Variants in TMPRSS11D observed in about 807,000 individuals in gnomAD.
TMPRSS11D encodes the protein transmembrane protease serine 11D.
A neutral mutation model predicts 44.4 loss-of-function variants in TMPRSS11D; 32 were observed. That is an observed-to-expected ratio of 0.72 (90% CI 0.54 to 0.97). The LOEUF is 0.97. Ranked by LOEUF, TMPRSS11D falls within the 50% of genes least tolerant of loss-of-function variation. TMPRSS11D has a pLI of 0.00. For missense variants in TMPRSS11D, 446 were observed against 502.6 expected (o/e 0.89, Z 1.08); for synonymous variants, 179 against 177.9 (o/e 1.01, Z -0.05).
intron 1 of TMPRSS11D, among the ~76,000 whole-genome samples, chr4:67,879,768 A>G (rs1719278328): frequency 1.3e-5 from 2 of 152,166 alleles, no homozygotes; most frequent in South Asian, 2.1e-4. Context: ...GGATAGATTA[A>G]AGATAAAAAT....
chr4:67,844,371 C>T (rs1718308046), intron 3 of TMPRSS11D, among the ~76,000 whole-genome samples: 1 of 151,352 alleles, frequency 6.6e-6, no homozygotes, highest in Admixed American at 6.6e-5. Flanking sequence ...TTTTTTTTTT[C>T]CAGAGAACCT....
At chr4:67,862,356 A>G (rs1420256138) in intron 1 of TMPRSS11D, among the ~76,000 whole-genome samples, 1 of 152,114 alleles carries the variant, frequency 6.6e-6, no homozygotes, top group Non-Finnish European at 1.5e-5. Context: ...GAAACCAGGT[A>G]AGTTTGAATA....
intron 7 of TMPRSS11D, 67 bp downstream of exon 7, chr4:67,833,137 G>C (rs1349061559): frequency 7.8e-7 from 1 of 1,274,742 alleles, no homozygotes; most frequent in Non-Finnish European, 1.0e-6. Context: ...TCCTAGGGTA[G>C]AGGGTGCAGT....
Position 67,833,320 on chromosome 4 carries a change from C to T in TMPRSS11D, c.576G>A (p.Glu192=). Residue 192 remains glutamate, a synonymous_variant, in exon 7 of 10, where the codon GAG becomes GAA. Coordinates refer to ENST00000283916, the MANE Select transcript of TMPRSS11D (RefSeq NM_004262.3). ...LSEQRILGGT[E]AEEGSWPWQV... Reference sequence around the variant, plus strand: ...GCCACGGCCAGCTTCCCTCCTCAGCCTCAGTGCCTCCAAGGATTCTCTGCT... The same window carrying T: ...GCCACGGCCAGCTTCCCTCCTCAGCTTCAGTGCCTCCAAGGATTCTCTGCT... 2 of 1,593,330 alleles carry T rather than the reference C, an allele frequency of 1.3e-6. No individual in the cohort carries two copies. The highest frequency in any genetic ancestry group is 1.1e-5 in the South Asian group (1 of 88,080).
chr4:67,829,223 A>G (rs1022546211), intron 7 of TMPRSS11D, among the ~76,000 whole-genome samples: 1 of 152,044 alleles, frequency 6.6e-6, no homozygotes, highest in Admixed American at 6.6e-5. Context: ...CAGGACCCTC[A>G]GTTCTTTAGG....
chr4:67,855,754 T>C (rs927714408), intron 2 of TMPRSS11D, among the ~76,000 whole-genome samples: 1 of 152,096 alleles, frequency 6.6e-6, no homozygotes, highest in Non-Finnish European at 1.5e-5. Context: ...AGTTACATAT[T>C]CAAATTGTCC....
In TMPRSS11D at chr4:67,876,967, T is replaced by C. The variant is rs558997605; in HGVS notation, c.8+6959A>G. On this transcript the variant is annotated intron_variant, in intron 1 of 9. Transcript: ENST00000283916. ...TTGAAACACTCTTTTTCTTTTGATT[T>C]CCATAATTCCATACTCTTTTTCTTT... 5.3e-5 allele frequency among the ~76,000 whole-genome samples: 8 copies of C among 152,238 alleles called. No homozygotes were observed. In the South Asian group the frequency reaches 1.5e-3, roughly 28 times the overall value.
intron 1 of TMPRSS11D, among the ~76,000 whole-genome samples, chr4:67,862,895 C>T (rs1188527030): frequency 4.7e-5 from 7 of 150,172 alleles, no homozygotes; most frequent in Admixed American, 4.0e-4. Context: ...CATCACACAC[C>T]GGGGACTGTT....
chr4:67,873,982 T>G (rs1719118845), intron 1 of TMPRSS11D, among the ~76,000 whole-genome samples: 1 of 152,194 alleles, frequency 6.6e-6, no homozygotes, highest in African/African-American at 2.4e-5. Flanking sequence ...TAACAACATC[T>G]TTGTCAATCA....
intron 7 of TMPRSS11D, among the ~76,000 whole-genome samples, chr4:67,828,542 A>G (rs1560536820): frequency 6.6e-6 from 1 of 152,070 alleles, no homozygotes; most frequent in African/African-American, 2.4e-5. Context: ...AGACATCTCA[A>G]CTGGTTCAGC....
At chr4:67,866,982 C>G (rs1211687981) in intron 1 of TMPRSS11D, among the ~76,000 whole-genome samples, 1 of 150,990 alleles carries the variant, frequency 6.6e-6, no homozygotes, top group Non-Finnish European at 1.5e-5. Flanking sequence ...GAAAAAAAAT[C>G]CTAAAATTCA....
intron 8 of TMPRSS11D, 41 bp from the exon 9 acceptor site, chr4:67,825,915 G>A (rs1717782178): frequency 1.3e-6 from 2 of 1,589,712 alleles, no homozygotes; most frequent in African/African-American, 1.3e-5. Context: ...ACTTCAAGAT[G>A]TGTACATTAT....
intron 2 of TMPRSS11D, among the ~76,000 whole-genome samples, chr4:67,856,165 C>T (rs1718629659): frequency 6.6e-6 from 1 of 151,980 alleles, no homozygotes; most frequent in Non-Finnish European, 1.5e-5. Context: ...AACAAAGAGC[C>T]CAAATAGTCG....
chr4:67,829,200 A>G (rs751001288), intron 7 of TMPRSS11D, among the ~76,000 whole-genome samples: 1 of 152,078 alleles, frequency 6.6e-6, no homozygotes, highest in Non-Finnish European at 1.5e-5. Context: ...CTGCATTGAC[A>G]TAGTTAAATT....
intron 1 of TMPRSS11D, among the ~76,000 whole-genome samples, chr4:67,860,037 T>C (rs986062944): frequency 2.8e-4 from 42 of 152,158 alleles, no homozygotes; most frequent in African/African-American, 1.0e-3. Flanking sequence ...TGCTGGACAT[T>C]ACTGTAGTAA....
intron 7 of TMPRSS11D, 35 bp from the exon 8 acceptor site, chr4:67,827,555 G>A (rs1717833765): frequency 1.9e-6 from 3 of 1,541,510 alleles, no homozygotes; most frequent in Non-Finnish European, 1.7e-6. Context: ...TATGAGTAGG[G>A]AATTTGTGAA....
At chr4:67,867,495 A>C (rs893538182) in intron 1 of TMPRSS11D, among the ~76,000 whole-genome samples, 5 of 152,204 alleles carry the variant, frequency 3.3e-5, no homozygotes, top group African/African-American at 1.2e-4. Context: ...TACTTAAACT[A>C]AAAAGCTTCT....
At chr4:67,870,738 C>A (rs1308199105) in intron 1 of TMPRSS11D, among the ~76,000 whole-genome samples, 1 of 75,210 alleles carries the variant, frequency 1.3e-5, no homozygotes, top group African/African-American at 3.8e-5. Flanking sequence ...GGCGTGAACC[C>A]GGGAGGCGGA....
intron 3 of TMPRSS11D, among the ~76,000 whole-genome samples, chr4:67,852,582 T>C (rs1718534487): frequency 6.6e-6 from 1 of 152,186 alleles, no homozygotes; most frequent in Admixed American, 6.5e-5. Flanking sequence ...GCAAGCATCA[T>C]TGAAACCAAG....
Sources: gnomAD v4.1 joint callset for allele counts (sites outside exome capture counted in the v4.1 genomes callset) on GRCh38, gnomAD v4.1.1 for gene constraint, MANE v1.5 for transcripts, NCBI Gene and HGNC (gene_info 2026-07-23, HGNC 2026-07-21) for gene names.